The following USP37 variants were observed in gnomAD, a reference collection of about 807,000 sequenced individuals.
The protein encoded by USP37 is ubiquitin specific peptidase 37, also known as ubiquitin carboxyl-terminal hydrolase 37.
A neutral mutation model predicts 124.0 loss-of-function variants in USP37; 27 were observed. That is an observed-to-expected ratio of 0.22 (90% CI 0.16 to 0.30). The LOEUF is 0.30. Ranked by LOEUF, USP37 falls within the 10% of genes least tolerant of loss-of-function variation. USP37 has a pLI of 1.00. For synonymous variants in USP37, 365 were observed against 388.0 expected, an observed-to-expected ratio of 0.94 and a Z score of 0.70; for missense variants, 889 against 1,140.4, an observed-to-expected ratio of 0.78 and a Z score of 3.17.
At chr2:218,547,390 C>T (rs1364559037) in intron 6 of USP37, among the ~76,000 whole-genome samples, 3 of 135,160 alleles carry the variant, frequency 2.2e-5, no homozygotes, top group South Asian at 2.6e-4. Context: ...AGTTGATCTG[C>T]GGTAAGGCTC....
chr2:218,485,720 A>G lies in USP37; in HGVS notation c.1614T>C (p.Cys538=). The part of the protein sequence containing the change: ...FFRAEELEYS[C]EKCGGKCALV... ...GAGCACACTTCCCACCACACTTCTCACAAGAATACTCCAGTTCTTCGGCCT... is the reference window on the plus strand; with the variant it reads ...GAGCACACTTCCCACCACACTTCTCGCAAGAATACTCCAGTTCTTCGGCCT... Residue 538 remains cysteine, a synonymous_variant, in exon 16 of 26, where the codon TGT becomes TGC. Transcript: ENST00000258399. 6.2e-7 allele frequency: 1 copy of G among 1,611,474 alleles called. No individual in the cohort carries two copies. Among genetic ancestry groups the G allele is most frequent in the Non-Finnish European group, 8.5e-7 (1 of 1,179,264 alleles).
chr2:218,482,586 G>C (rs1433520801), intron 16 of USP37, among the ~76,000 whole-genome samples: 5 of 151,948 alleles, frequency 3.3e-5, no homozygotes, highest in Admixed American at 1.3e-4. Flanking sequence ...AAAAGCAATA[G>C]GTTTTATATA....
chr2:218,494,469 T>C (rs1240946235), intron 14 of USP37, among the ~76,000 whole-genome samples: 1 of 152,190 alleles, frequency 6.6e-6, no homozygotes, highest in Non-Finnish European at 1.5e-5. Context: ...CTAGTGAAAC[T>C]GTGAATTTCA....
At chr2:218,562,648 T>C (rs1156789394) in intron 2 of USP37, 25 bp downstream of exon 2, 3 of 398,210 alleles carry the variant, frequency 7.5e-6, no homozygotes, top group African/African-American at 2.1e-5. Context: ...TTGAAACATA[T>C]ATCCAAAACA....
intron 3 of USP37, 47 bp from the exon 4 acceptor site, chr2:218,558,724 A>G (rs145315520): frequency 2.1e-5 from 29 of 1,354,180 alleles, no homozygotes; most frequent in Non-Finnish European, 2.9e-5. Context: ...GGTTCTAAGG[A>G]AGAAAAATAA....
At chr2:218,507,960 C>T (rs552999090) in intron 11 of USP37, among the ~76,000 whole-genome samples, 3 of 152,254 alleles carry the variant, frequency 2.0e-5, no homozygotes, top group South Asian at 4.2e-4. Context: ...TTCTTCAGTG[C>T]TTCATCTAAG....
At chr2:218,488,797 G>C (rs988512793) in intron 14 of USP37, among the ~76,000 whole-genome samples, 10 of 151,842 alleles carry the variant, frequency 6.6e-5, no homozygotes, top group African/African-American at 9.7e-5. Context: ...CACCATGCCC[G>C]GCTAATTTTG....
Position 218,510,116 on chromosome 2 carries a change from G to GGGA in USP37, c.885_887dup (p.Pro296dup), listed in dbSNP as rs1689893026. The stretch of plus-strand genomic sequence containing the variant: ...GAAATCCCAAACTTCTTTTGGCAGA[G>GGGA]GGAGTCTGGCTTGAAACATTAGTCC... On this transcript the variant is annotated inframe_insertion, in exon 11 of 26. Coordinates refer to ENST00000258399, the MANE Select transcript of USP37 (RefSeq NM_020935.3). The GGGA allele has an allele frequency of 6.2e-7, 1 of 1,611,318 alleles. No individual in the cohort carries two copies. The highest frequency in any genetic ancestry group is 1.3e-5 in the African/African-American group (1 of 74,808).
At chr2:218,495,081 A>G (rs1473958149) in intron 14 of USP37, among the ~76,000 whole-genome samples, 2 of 152,222 alleles carry the variant, frequency 1.3e-5, no homozygotes, top group African/African-American at 4.8e-5. Context: ...GTGTTAGGCA[A>G]TACTAAAGTG....
At chr2:218,479,173 T>C (rs1421774175) in intron 18 of USP37, among the ~76,000 whole-genome samples, 2 of 152,206 alleles carry the variant, frequency 1.3e-5, no homozygotes, top group African/African-American at 4.8e-5. Flanking sequence ...ATTTGTAGAA[T>C]GCTTGCTTGT....
chr2:218,485,572 A>G, intron 16 of USP37, 92 bp downstream of exon 16: 1 of 1,339,882 alleles, frequency 7.5e-7, no homozygotes, highest in South Asian at 1.4e-5. Context: ...TAATATTTGT[A>G]TGAACTTTAA....
chr2:218,463,452 G>T, intron 21 of USP37, 86 bp from the exon 22 acceptor site: 1 of 1,226,696 alleles, frequency 8.2e-7, no homozygotes, highest in Non-Finnish European at 1.2e-6. Flanking sequence ...TTCTCTGGAA[G>T]CATTTGCTAA....
chr2:218,482,436 A>AT (rs1691315220), intron 16 of USP37, among the ~76,000 whole-genome samples: 1 of 152,228 alleles, frequency 6.6e-6, no homozygotes, highest in Admixed American at 6.5e-5. Flanking sequence ...ATAATGGTGG[A>AT]TTAGTGTGGT....
chr2:218,474,771 C>T lies in USP37; in HGVS notation c.2158G>A (p.Ala720Thr). Residue 720 changes from alanine to threonine, a missense_variant, in exon 20 of 26, where the codon GCT becomes ACT. Ala to Thr is a moderately conservative substitution (Grantham distance 58, BLOSUM62 0). Transcript: ENST00000258399. ...AAVLEISKRD[A>T]SPSLSHEDDD... The stretch of plus-strand genomic sequence containing the variant: ...TCTTCATGACTCAGAGATGGTGAAG[C>T]ATCTCTCTTACTTATCTCCAAGACA... The T allele has an allele frequency of 6.2e-7, 1 of 1,614,168 alleles. No individual in the cohort carries two copies. The highest frequency in any genetic ancestry group is 2.2e-5 in the East Asian group (1 of 44,878).
chr2:218,463,666 G>A (rs1213197908), intron 21 of USP37, among the ~76,000 whole-genome samples: 1 of 150,640 alleles, frequency 6.6e-6, no homozygotes, highest in East Asian at 2.0e-4. Flanking sequence ...CTCCCAAGTA[G>A]CTGGGACTAC....
chr2:218,510,410 G>A (rs989652584), intron 10 of USP37, among the ~76,000 whole-genome samples: 2 of 151,966 alleles, frequency 1.3e-5, no homozygotes, highest in Admixed American at 1.3e-4. Context: ...AATACATATA[G>A]TTTCACTGTT....
intron 13 of USP37, among the ~76,000 whole-genome samples, chr2:218,497,369 C>A (rs539275261): frequency 3.3e-5 from 5 of 151,396 alleles, no homozygotes; most frequent in African/African-American, 1.2e-4. Context: ...CCGCACCTGG[C>A]CTATTTTATT....
intron 22 of USP37, among the ~76,000 whole-genome samples, chr2:218,460,627 A>G (rs1381040087): frequency 2.0e-5 from 3 of 152,134 alleles, no homozygotes; most frequent in South Asian, 2.1e-4. Flanking sequence ...AAAAAGGTCA[A>G]TGTTCTTTTT....
chr2:218,510,408 T>C (rs958218982), intron 10 of USP37, among the ~76,000 whole-genome samples: 1 of 152,170 alleles, frequency 6.6e-6, no homozygotes, highest in African/African-American at 2.4e-5. Context: ...ACAATACATA[T>C]AGTTTCACTG....
Sources: allele counts gnomAD v4.1 joint callset (sites outside exome capture counted in the v4.1 genomes callset), GRCh38; gene constraint gnomAD v4.1.1; transcripts MANE v1.5; gene names NCBI Gene and HGNC (gene_info 2026-07-23, HGNC 2026-07-21).